The following TPMT variants were observed in gnomAD, a reference collection of about 807,000 sequenced individuals.
TPMT encodes S-adenosyl-L-methionine:thiopurine S-methyltransferase.
A neutral mutation model predicts 34.2 loss-of-function variants in TPMT; 18 were observed. The ratio of observed to expected loss-of-function variants is 0.53; its 90% CI spans 0.36 to 0.78. The LOEUF is 0.78. TPMT is among the 30% of genes least tolerant of loss of function. The pLI is 0.00. For synonymous variants in TPMT, 69 were observed against 92.4 expected (o/e 0.75, Z 1.45); for missense variants, 265 against 288.1 (o/e 0.92, Z 0.58).
chr6:18,132,465 C>A lies in TPMT; in HGVS notation c.581-288G>T, dbSNP rs1309237454. On this transcript the variant is annotated intron_variant, in intron 7 of 8. Transcript: ENST00000309983. This position sits in a 1 kb window ranked among gnomAD's most constrained non-coding sequence, Gnocchi z 4.8. ...CAGATTCCTTGGGGGTTTCAACCAT[C>A]TTCTAGCATACTGATTTTCTACCAA... Among the ~76,000 whole-genome samples the A allele has an allele frequency of 6.6e-6, 1 of 152,106 alleles. No individual in the cohort carries two copies. Among genetic ancestry groups the A allele is most frequent in the African/African-American group, 2.4e-5 (1 of 41,426 alleles).
At position 18,153,671 on chromosome 6, in the gene TPMT, C is replaced by CT. The variant is rs1561894188; in HGVS notation, c.-45+1361dup. 6.6e-6 allele frequency among the ~76,000 whole-genome samples: 1 copy of CT among 152,182 alleles called. No individual in the cohort carries two copies. The highest frequency in any genetic ancestry group is 2.4e-5 in the African/African-American group (1 of 41,454). ...ACCCTGATGGTATCAGGAGGTGACT[C>CT]TGAGTTTTCTGAGAGGTCAGTAGAA... On this transcript the variant is annotated intron_variant, in intron 1 of 8. Coordinates refer to ENST00000309983, the MANE Select transcript of TPMT (RefSeq NM_000367.5). This position sits in a 1 kb window ranked among gnomAD's most constrained non-coding sequence, Gnocchi z 4.2.
At position 18,135,458 on chromosome 6, in the gene TPMT, A is replaced by C. The variant is rs1178820914; in HGVS notation, c.495-1569T>G. Among the ~76,000 whole-genome samples the C allele has an allele frequency of 6.6e-6, 1 of 152,230 alleles. No homozygotes were observed. The highest frequency in any genetic ancestry group is 1.5e-5 in the Non-Finnish European group (1 of 68,048). On this transcript the variant is annotated intron_variant, in intron 6 of 8. Transcript: ENST00000309983. The surrounding 1 kb of genome is among the most constrained non-coding windows in gnomAD (Gnocchi z 5.0). ...ATACATCAGTACTTGACAATGTACA[A>C]TCTAAGGAGAAGACACCCAGTCCTA...
intron 3 of TPMT, among the ~76,000 whole-genome samples, chr6:18,144,805 C>T (rs1457662148): frequency 1.3e-5 from 2 of 151,968 alleles, no homozygotes; most frequent in African/African-American, 2.4e-5. Flanking sequence ...ACTGCAACCT[C>T]CACCTCCCGA....
chr6:18,150,920 G>T lies in TPMT; in HGVS notation c.-44-1749C>A, dbSNP rs769616518. ...ATAGAGATGAGATTTGACCATGTTG[G>T]CCAGGCTGGTCTTGAACTCCTGGCC... On this transcript the variant is annotated intron_variant, in intron 1 of 8. Coordinates refer to ENST00000309983, the MANE Select transcript of TPMT (RefSeq NM_000367.5). The surrounding 1 kb of genome is among the most constrained non-coding windows in gnomAD (Gnocchi z 5.3). Among the ~76,000 whole-genome samples, 3 of 152,142 alleles carry T rather than the reference G, an allele frequency of 2.0e-5. No individual in the cohort carries two copies. Among genetic ancestry groups the T allele is most frequent in the Admixed American group, 1.3e-4 (2 of 15,284 alleles).
chr6:18,148,524 C>T lies in TPMT; in HGVS notation c.140+464G>A, dbSNP rs1056420140. On this transcript the variant is annotated intron_variant, in intron 2 of 8. Transcript: ENST00000309983. This position sits in a 1 kb window ranked among gnomAD's most constrained non-coding sequence, Gnocchi z 4.1. ...ATTGCTGCTATGAAGACTACTACTA[C>T]ATTGCACAACATCCTAACTCACTTT... Among the ~76,000 whole-genome samples the T allele has an allele frequency of 1.3e-5, 2 of 152,214 alleles. No homozygotes were observed. The highest frequency in any genetic ancestry group is 2.9e-5 in the Non-Finnish European group (2 of 68,030).
rs568146844 is a variant in TPMT at position 18,142,082 on chromosome 6, A to T, written c.366+1514T>A. On this transcript the variant is annotated intron_variant, in intron 4 of 8. Coordinates refer to ENST00000309983, the MANE Select transcript of TPMT (RefSeq NM_000367.5). ...CAAACCAATCTGTGAGCCCTATGTA[A>T]ATCAGACACTGACTCCTCAGGCTGC... Among the ~76,000 whole-genome samples, 23 of 152,234 alleles carry T rather than the reference A, an allele frequency of 1.5e-4. No individual in the cohort carries two copies. In the East Asian group the frequency reaches 4.1e-3, roughly 27 times the overall value.
In TPMT at chr6:18,139,718, C is replaced by T; in HGVS notation, c.367-1G>A. The T allele has an allele frequency of 6.2e-7, 1 of 1,602,310 alleles. No homozygotes were observed. Among genetic ancestry groups the T allele is most frequent in the Non-Finnish European group, 8.5e-7 (1 of 1,176,158 alleles). On this transcript the variant is annotated splice_acceptor_variant, in intron 4 of 8. Transcript: ENST00000309983. LOFTEE classifies it high-confidence loss of function. The surrounding 1 kb of genome is among the most constrained non-coding windows in gnomAD (Gnocchi z 4.2). ...ACAATGAAATGTTCCCCGAAGAACT[C>T]TGTAATGAAATAATGAAAAAAAAAT...
chr6:18,133,402 C>G (rs1783983435), intron 7 of TPMT, among the ~76,000 whole-genome samples: 1 of 152,234 alleles, frequency 6.6e-6, no homozygotes, highest in African/African-American at 2.4e-5. Flanking sequence ...CCCATATTCA[C>G]TTCTCACCCC....
Position 18,132,393 on chromosome 6 carries a change from C to T in TPMT, c.581-216G>A, listed in dbSNP as rs1306542656. Among the ~76,000 whole-genome samples, 1 of 152,134 alleles carries T rather than the reference C, an allele frequency of 6.6e-6. No individual in the cohort carries two copies. Among genetic ancestry groups the T allele is most frequent in the Non-Finnish European group, 1.5e-5 (1 of 68,022 alleles). On this transcript the variant is annotated intron_variant, in intron 7 of 8. Coordinates refer to ENST00000309983, the MANE Select transcript of TPMT (RefSeq NM_000367.5). The surrounding 1 kb of genome is among the most constrained non-coding windows in gnomAD (Gnocchi z 4.8). ...CTTTAGCTTAGATGAGACAGCTAAA[C>T]CGGTCAAGGGACTTAGGCTCATTGA...
At chr6:18,147,756 C>A in intron 3 of TPMT, 67 bp downstream of exon 3, 1 of 1,442,374 alleles carries the variant, frequency 6.9e-7, no homozygotes, top group Non-Finnish European at 9.7e-7. Context: ...AACTCACATC[C>A]TGTTAAATCA....
chr6:18,130,863 G>C lies in TPMT; in HGVS notation c.626-83C>G, dbSNP rs1486927401. The C allele has an allele frequency of 6.8e-6, 8 of 1,180,018 alleles. No homozygotes were observed. In the South Asian group the frequency reaches 8.7e-5, roughly 13 times the overall value. The allele number at this position is 1,180,018 out of a possible 1,614,324, so 73.1% of individuals were successfully genotyped here. A position where few individuals can be genotyped will look rare whatever the true frequency, so the allele number is the denominator to read the frequency against. ...TTTAAAAATACTCAAAATTGGCTGG[G>C]TGCGGTGGCTCACACCTGTAATCCC... On this transcript the variant is annotated intron_variant, in intron 8 of 8. Coordinates refer to ENST00000309983, the MANE Select transcript of TPMT (RefSeq NM_000367.5). The surrounding 1 kb of genome is among the most constrained non-coding windows in gnomAD (Gnocchi z 4.2).
intron 3 of TPMT, among the ~76,000 whole-genome samples, chr6:18,144,260 C>T (rs954002651): frequency 1.3e-5 from 2 of 152,200 alleles, no homozygotes; most frequent in African/African-American, 2.4e-5. Context: ...AGGTCTAGAA[C>T]ATTAGCACTC....
At position 18,149,289 on chromosome 6, in the gene TPMT, T is replaced by A; in HGVS notation, c.-44-118A>T. 1.0e-6 allele frequency: 1 copy of A among 954,394 alleles called. No individual in the cohort carries two copies. Among genetic ancestry groups the A allele is most frequent in the Non-Finnish European group, 1.5e-6 (1 of 650,136 alleles). 59.1% of individuals were successfully genotyped at this position (954,394 alleles called of 1,614,324 possible). On this transcript the variant is annotated intron_variant, in intron 1 of 8. Transcript: ENST00000309983. This position sits in a 1 kb window ranked among gnomAD's most constrained non-coding sequence, Gnocchi z 5.0. ...TTTTTAAAAATATTTCTTTCTTTTT[T>A]TATTTCTGGTTTTATTTTTGAGATG...
chr6:18,143,943 A>T lies in TPMT; in HGVS notation c.234-215T>A, dbSNP rs1278399066. ...GACTTATATGAATTCAGGAAACAAT[A>T]AAAATTTGGAAAATTATATATATCT... On this transcript the variant is annotated intron_variant, in intron 3 of 8. Transcript: ENST00000309983. The surrounding 1 kb of genome is among the most constrained non-coding windows in gnomAD (Gnocchi z 6.1). Among the ~76,000 whole-genome samples, 1 of 152,224 alleles carries T rather than the reference A, an allele frequency of 6.6e-6. No individual in the cohort carries two copies. Among genetic ancestry groups the T allele is most frequent in the African/African-American group, 2.4e-5 (1 of 41,462 alleles).
rs1182366103 is a variant in TPMT, at chr6:18,140,590, G to T, written c.367-873C>A. The stretch of plus-strand genomic sequence containing the variant: ...TTCCAGCTACCTGGGAGGCTGACAT[G>T]CGAGGGTCACTTGAGCCTGGGAGGT... On this transcript the variant is annotated intron_variant, in intron 4 of 8. Coordinates refer to ENST00000309983, the MANE Select transcript of TPMT (RefSeq NM_000367.5). The surrounding 1 kb of genome is among the most constrained non-coding windows in gnomAD (Gnocchi z 4.7). Among the ~76,000 whole-genome samples the T allele has an allele frequency of 2.0e-5, 3 of 152,116 alleles. No homozygotes were observed. Among genetic ancestry groups the T allele is most frequent in the African/African-American group, 7.2e-5 (3 of 41,414 alleles).
Position 18,148,974 on chromosome 6 carries a change from C to T in TPMT, c.140+14G>A. On this transcript the variant is annotated intron_variant, in intron 2 of 8. Transcript: ENST00000309983. This position sits in a 1 kb window ranked among gnomAD's most constrained non-coding sequence, Gnocchi z 4.1. Reference sequence around the variant, plus strand: ...GATAGAACATTTCTCTATTGTATACCAAATATTTCTTACTGATGTCCTTGT... The same window carrying T: ...GATAGAACATTTCTCTATTGTATACTAAATATTTCTTACTGATGTCCTTGT... 1.2e-6 allele frequency: 2 copies of T among 1,612,746 alleles called. No individual in the cohort carries two copies.
At chr6:18,142,984 G>A (rs1231236482) in intron 4 of TPMT, among the ~76,000 whole-genome samples, 1 of 152,020 alleles carries the variant, frequency 6.6e-6, no homozygotes, top group Non-Finnish European at 1.5e-5. Flanking sequence ...TCTCTGCCAG[G>A]AGGCTACTTC....
chr6:18,132,069 G>T lies in TPMT; in HGVS notation c.625+64C>A, dbSNP rs116475442. 24 of 1,568,228 alleles carry T rather than the reference G, an allele frequency of 1.5e-5. No individual in the cohort carries two copies. The highest frequency in any genetic ancestry group is 2.2e-5 in the South Asian group (2 of 90,108). On this transcript the variant is annotated intron_variant, in intron 8 of 8. Coordinates refer to ENST00000309983, the MANE Select transcript of TPMT (RefSeq NM_000367.5). This position sits in a 1 kb window ranked among gnomAD's most constrained non-coding sequence, Gnocchi z 4.8. ...TGGAAATACAGGCATGAGCCAGCACGCCAGGCCCAAAAGAGTTAACTTGAC... is the reference window on the plus strand; with the variant it reads ...TGGAAATACAGGCATGAGCCAGCACTCCAGGCCCAAAAGAGTTAACTTGAC...
At position 18,139,695 on chromosome 6, in the gene TPMT, A is replaced by C; in HGVS notation, c.389T>G (p.Leu130Trp). The change falls in exon 5 of 9, where the codon TTG becomes TGG. Residue 130 changes from leucine to tryptophan, a missense_variant. Coordinates refer to ENST00000309983, the MANE Select transcript of TPMT (RefSeq NM_000367.5). This position sits in a 1 kb window ranked among gnomAD's most constrained non-coding sequence, Gnocchi z 4.2. ...VFKSSSGNIS[L>W]YCCSIFDLPR... ...AAGATCAAAAATACTGCAACAGTAC[A>C]ATGAAATGTTCCCCGAAGAACTCTG... 1 of 1,613,566 alleles carries C rather than the reference A, an allele frequency of 6.2e-7. No homozygotes were observed. The highest frequency in any genetic ancestry group is 8.5e-7 in the Non-Finnish European group (1 of 1,179,870).
Sources: allele counts gnomAD v4.1 joint callset (sites outside exome capture counted in the v4.1 genomes callset), GRCh38; gene constraint gnomAD v4.1.1; non-coding constraint Gnocchi (gnomAD v3.1); transcripts MANE v1.5; gene names NCBI Gene and HGNC (gene_info 2026-07-23, HGNC 2026-07-21).